The following GIMAP8 variants were observed in gnomAD, a reference collection of about 807,000 sequenced individuals.
GIMAP8 encodes the protein GTPase, IMAP family member 8.
Under a neutral mutation model 35.6 loss-of-function variants are expected in GIMAP8, and 29 were observed. The ratio of observed to expected loss-of-function variants is 0.81; its 90% CI spans 0.61 to 1.11. The LOEUF (loss-of-function observed/expected upper bound fraction) is 1.11. Among genes scored for constraint, GIMAP8 ranks in the 50% most tolerant of loss-of-function variants. The pLI is 0.00. For synonymous variants in GIMAP8, 335 were observed against 308.7 expected (o/e 1.09, Z -0.89); for missense variants, 811 against 805.0 (o/e 1.01, Z -0.09).
Position 150,474,261 on chromosome 7 carries a change from A to C in GIMAP8, c.932A>C (p.Asn311Thr). ...IDAPDISSLK[N>T]IDSEVRKHIC... ...GCTCCGGACATCTCATCTTTAAAGA[A>C]CATTGACTCAGAAGTTAGAAAACAC... is the stretch of plus-strand genomic sequence containing the variant. Residue 311 changes from asparagine (N) to threonine (T), a missense_variant, in exon 4 of 5, where the codon AAC becomes ACC. Asn to Thr is a moderately conservative substitution (Grantham distance 65). Transcript: ENST00000307271. 1 of 1,614,206 alleles carries C rather than the reference A, an allele frequency of 6.2e-7. No individual in the cohort carries two copies. The highest frequency in any genetic ancestry group is 8.5e-7 in the Non-Finnish European group (1 of 1,180,028).
intron 1 of GIMAP8, among the ~76,000 whole-genome samples, chr7:150,461,032 C>T (rs924690548): frequency 1.3e-5 from 2 of 152,226 alleles, no homozygotes; most frequent in African/African-American, 4.8e-5. Flanking sequence ...TGTGAGTTAT[C>T]TATAAGGGCC....
At position 150,477,297 on chromosome 7, in the gene GIMAP8, G is replaced by C; in HGVS notation, c.1515G>C (p.Lys505Asn). Residue 505 changes from lysine (K) to asparagine (N), a missense_variant, in exon 5 of 5, where the codon AAG becomes AAC. Transcript: ENST00000307271. Reference protein sequence around the residue: ...PSFNQMLDVEKDPSRLEEEVK... With the variant: ...PSFNQMLDVENDPSRLEEEVK... ...TCAACCAGATGCTGGATGTCGAAAA[G>C]GACCCATCCCGGTTAGAAGAGGAGG... The C allele has an allele frequency of 6.2e-7, 1 of 1,614,138 alleles. No individual in the cohort carries two copies. The highest frequency in any genetic ancestry group is 8.5e-7 in the Non-Finnish European group (1 of 1,180,014).
rs1264172098 is a variant in GIMAP8, at chr7:150,477,742, GA to G, written c.1965del (p.Lys655AsnfsTer6). On this transcript the variant is annotated frameshift_variant, in exon 5 of 5. Coordinates refer to ENST00000307271, the MANE Select transcript of GIMAP8 (RefSeq NM_175571.4). LOFTEE classifies it low-confidence loss of function (END_TRUNC). The stretch of plus-strand genomic sequence containing the variant: ...AAATGTCCAGGAAATGTCCCAAGCC[GA>G]AAAACTCCTTAAAAATTTAATAGGT... ...IKNVQEMSQA[E>X]KLLKNLIGIL... 6.2e-7 allele frequency: 1 copy of G among 1,612,670 alleles called. No individual in the cohort carries two copies. The highest frequency in any genetic ancestry group is 8.5e-7 in the Non-Finnish European group (1 of 1,179,694).
chr7:150,453,474 A>G (rs769185758), intron 1 of GIMAP8, among the ~76,000 whole-genome samples: 1 of 152,184 alleles, frequency 6.6e-6, no homozygotes, highest in Non-Finnish European at 1.5e-5. Context: ...TCCCTGGGTC[A>G]TTCCCTGCAG....
At chr7:150,465,391 G>T (rs1801932541) in intron 1 of GIMAP8, among the ~76,000 whole-genome samples, 1 of 152,168 alleles carries the variant, frequency 6.6e-6, no homozygotes, top group African/African-American at 2.4e-5. Context: ...GGGAATCACA[G>T]CTACTTGCTG....
At chr7:150,459,750 T>C (rs1281712456) in intron 1 of GIMAP8, among the ~76,000 whole-genome samples, 1 of 152,166 alleles carries the variant, frequency 6.6e-6, no homozygotes, top group Non-Finnish European at 1.5e-5. Context: ...GCCCATTGCC[T>C]CACTTTTTTT....
chr7:150,463,604 A>T (rs1801889249), intron 1 of GIMAP8, among the ~76,000 whole-genome samples: 1 of 152,166 alleles, frequency 6.6e-6, no homozygotes, highest in South Asian at 2.1e-4. Context: ...CTTTGGCTGT[A>T]ATCAATGTCA....
In GIMAP8 at chr7:150,451,441, T is replaced by C. The variant is rs1313946503; in HGVS notation, c.-29+266T>C. Among the ~76,000 whole-genome samples the C allele has an allele frequency of 6.6e-6, 1 of 151,994 alleles. No homozygotes were observed. The highest frequency in any genetic ancestry group is 1.5e-5 in the Non-Finnish European group (1 of 67,962). On this transcript the variant is annotated intron_variant, in intron 1 of 4. Coordinates refer to ENST00000307271, the MANE Select transcript of GIMAP8 (RefSeq NM_175571.4). The surrounding 1 kb of genome is among the most constrained non-coding windows in gnomAD (Gnocchi z 4.1). ...GGGCCCTGGGAAGCTTTCCTCCTGGTCCAAAGCGTGTCTCCCCAGCCTGCT... is the reference window on the plus strand; with the variant it reads ...GGGCCCTGGGAAGCTTTCCTCCTGGCCCAAAGCGTGTCTCCCCAGCCTGCT...
intron 4 of GIMAP8, 71 bp downstream of exon 4, chr7:150,474,709 T>G: frequency 1.0e-6 from 1 of 994,190 alleles, no homozygotes. Flanking sequence ...TATAAGAACT[T>G]TTTATTTTCT....
At position 150,455,776 on chromosome 7, in the gene GIMAP8, G is replaced by A. The variant is rs572889830; in HGVS notation, c.-29+4601G>A. Among the ~76,000 whole-genome samples the A allele has an allele frequency of 3.3e-5, 5 of 152,298 alleles. No homozygotes were observed. The South Asian group carries it at 1.0e-3, about 32-fold the overall frequency. On this transcript the variant is annotated intron_variant, in intron 1 of 4. Transcript: ENST00000307271. The stretch of plus-strand genomic sequence containing the variant: ...TTCTAATGAGATCCCAGTTCTTGGC[G>A]ATGTTGCTACTCTGTGAATTGCACT...
At chr7:150,470,916 C>A (rs1331600551) in intron 3 of GIMAP8, 42 bp downstream of exon 3, 15 of 1,367,654 alleles carry the variant, frequency 1.1e-5, no homozygotes, top group Non-Finnish European at 1.6e-5. Flanking sequence ...CACTTGTATT[C>A]TTTTGAATGC....
intron 1 of GIMAP8, among the ~76,000 whole-genome samples, chr7:150,455,453 A>C (rs1379804606): frequency 1.3e-5 from 2 of 152,228 alleles, no homozygotes; most frequent in Non-Finnish European, 2.9e-5. Context: ...AGAAATGAAG[A>C]TGTTCTGGTT....
In GIMAP8 at chr7:150,477,115, G is replaced by C. The variant is rs757888592; in HGVS notation, c.1333G>C (p.Gly445Arg). ...AGAAACCCTGAACATTGTCCTTGTG[G>C]GGAGAAGCGGGACTGGGAAGAGTGC... ...EKETLNIVLV[G>R]RSGTGKSATG... The change falls in exon 5 of 5, where the codon GGG (glycine) becomes CGG (arginine). Residue 445 changes from glycine to arginine, a missense_variant. By Grantham distance (125) the Gly-to-Arg change is moderately radical. Transcript: ENST00000307271. 2 of 1,606,198 alleles carry C rather than the reference G, an allele frequency of 1.2e-6. No individual in the cohort carries two copies. The highest frequency in any genetic ancestry group is 1.3e-5 in the African/African-American group (1 of 74,894).
chr7:150,458,233 G>A (rs1801772188), intron 1 of GIMAP8, among the ~76,000 whole-genome samples: 1 of 152,180 alleles, frequency 6.6e-6, no homozygotes, highest in African/African-American at 2.4e-5. Flanking sequence ...TCTGATAGGG[G>A]AGGCTAGCAG....
intron 1 of GIMAP8, 110 bp from the exon 2 acceptor site, chr7:150,466,561 C>G: frequency 1.1e-6 from 1 of 929,466 alleles, no homozygotes; most frequent in Non-Finnish European, 1.6e-6. Flanking sequence ...TTCAGTAGCT[C>G]AAATTCATTG....
At position 150,451,959 on chromosome 7, in the gene GIMAP8, C is replaced by T. The variant is rs12668039; in HGVS notation, c.-29+784C>T. Among the ~76,000 whole-genome samples, 21,013 of 152,232 alleles carry T rather than the reference C, an allele frequency of 0.14. 1,749 individuals carry two copies. Among genetic ancestry groups the T allele is most frequent in the East Asian group, 0.28 (1,449 of 5,174 alleles). On this transcript the variant is annotated intron_variant, in intron 1 of 4. Transcript: ENST00000307271. The surrounding 1 kb of genome is among the most constrained non-coding windows in gnomAD (Gnocchi z 4.1). ...TGGGCTCTGGAGGCATCTCCAACCA[C>T]CCTGCTCTGTAAGTGGGAACTGCGA... is the stretch of plus-strand genomic sequence containing the variant.
chr7:150,476,280 C>T (rs977733215), intron 4 of GIMAP8, among the ~76,000 whole-genome samples: 4 of 152,326 alleles, frequency 2.6e-5, no homozygotes, highest in South Asian at 4.1e-4. Context: ...AAGAGAACTA[C>T]GAAGAGACTT....
chr7:150,468,354 G>A (rs1413953157), intron 2 of GIMAP8, among the ~76,000 whole-genome samples: 1 of 152,172 alleles, frequency 6.6e-6, no homozygotes, highest in Admixed American at 6.5e-5. Context: ...TTTTGCCTTA[G>A]AGGTGCTTAC....
intron 1 of GIMAP8, among the ~76,000 whole-genome samples, chr7:150,465,137 C>T (rs545904118): frequency 6.6e-6 from 1 of 152,126 alleles, no homozygotes; most frequent in African/African-American, 2.4e-5. Context: ...GGAAGGGAAC[C>T]CATCAAGGGG....
Sources: gnomAD v4.1 joint callset for allele counts (sites outside exome capture counted in the v4.1 genomes callset) on GRCh38, gnomAD v4.1.1 for gene constraint, Gnocchi (gnomAD v3.1) non-coding constraint, MANE v1.5 for transcripts, NCBI Gene and HGNC (gene_info 2026-07-23, HGNC 2026-07-21) for gene names.